SMIM7: variants seen among roughly 807,000 people sequenced by gnomAD.
The protein encoded by SMIM7 is UPF0608 protein C19orf42.
A neutral mutation model predicts 13.3 loss-of-function variants in SMIM7; 12 were observed. That is an observed-to-expected ratio of 0.90 (90% confidence interval 0.58 to 1.46). The LOEUF is 1.46. Ranked by LOEUF, SMIM7 falls within the 40% of genes most tolerant of loss-of-function variation. SMIM7 has a pLI of 0.00. For missense variants in SMIM7, 114 were observed against 94.8 expected, an observed-to-expected ratio of 1.20 and a Z score of -0.84; for synonymous variants, 36 against 35.8, an observed-to-expected ratio of 1.01 and a Z score of -0.02.
At chr19:16,658,356 G>T (rs564750079) in intron 3 of SMIM7, among the ~76,000 whole-genome samples, 2 of 152,342 alleles carry the variant, frequency 1.3e-5, no homozygotes, top group South Asian at 2.1e-4. Context: ...GTGAATGAAA[G>T]AATTAATGAA....
At chr19:16,652,620 C>T (rs2086541929) in intron 4 of SMIM7, 1 of 1,299,464 alleles carries the variant, frequency 7.7e-7, no homozygotes. Flanking sequence ...CAACAGTCTT[C>T]CTGGGAATAC....
chr19:16,644,130 T>TG (rs1249922521), downstream of SMIM7, among the ~76,000 whole-genome samples: 10 of 148,140 alleles, frequency 6.8e-5, no homozygotes, highest in African/African-American at 2.5e-4. Context: ...TTTTTTTTTT[T>TG]TTTTTTTTTT....
At chr19:16,632,757 C>T (rs900749171) in intron 4 of SMIM7, among the ~76,000 whole-genome samples, 2 of 151,994 alleles carry the variant, frequency 1.3e-5, no homozygotes, top group Non-Finnish European at 2.9e-5. Flanking sequence ...CTCTGGAACT[C>T]CTGACTTCAG....
At chr19:16,646,038 T>C (rs2086446141), downstream of SMIM7, 1 of 151,662 alleles carries the variant, frequency 6.6e-6, no homozygotes, top group Non-Finnish European at 1.5e-5. Context: ...CTTTTCTTTC[T>C]CATGGCCTCC....
intron 4 of SMIM7, chr19:16,640,420 T>C (rs952319300): frequency 6.6e-6 from 1 of 152,210 alleles, no homozygotes; most frequent in Non-Finnish European, 1.5e-5. Context: ...TAGGAAAACA[T>C]CAGGAGGCCT....
In SMIM7 at chr19:16,647,222, A is replaced by G; in HGVS notation, c.*24T>C. On this transcript the variant is annotated 3_prime_UTR_variant, in exon 5 of 5. Coordinates refer to ENST00000487416, the MANE Select transcript of SMIM7 (RefSeq NM_024104.4). ...GGAGACTCGGCATCCCGGGAAAGTG[A>G]GTTCCTGGTTTCATCGCTGGGATTC... 1 of 1,614,000 alleles carries G rather than the reference A, an allele frequency of 6.2e-7. No individual in the cohort carries two copies. Among genetic ancestry groups the G allele is most frequent in the Non-Finnish European group, 8.5e-7 (1 of 1,180,006 alleles).
chr19:16,656,943 A>G (rs1040410961), intron 3 of SMIM7, among the ~76,000 whole-genome samples: 4 of 152,058 alleles, frequency 2.6e-5, no homozygotes, highest in African/African-American at 9.7e-5. Context: ...TTTCTGAGGA[A>G]GTGCCAGAGC....
intron 4 of SMIM7, chr19:16,652,632 T>A: frequency 5.2e-6 from 7 of 1,337,054 alleles, no homozygotes; most frequent in East Asian, 3.1e-5. Context: ...TGGGAATACA[T>A]CACGGTCCTT....
downstream of SMIM7, chr19:16,645,373 G>A (rs896422246): frequency 8.5e-5 from 13 of 152,170 alleles, no homozygotes; most frequent in Admixed American, 8.5e-4. Flanking sequence ...CCATTCATCT[G>A]GCCTGTGAGG....
chr19:16,653,178 G>A (rs958270507), intron 4 of SMIM7, among the ~76,000 whole-genome samples: 8 of 152,196 alleles, frequency 5.3e-5, no homozygotes, highest in African/African-American at 1.4e-4. Context: ...GGGCATAGCC[G>A]GGGGCTGGAG....
intron 4 of SMIM7, chr19:16,631,758 T>C (rs1337180085): frequency 1.3e-5 from 2 of 152,098 alleles, no homozygotes; most frequent in African/African-American, 4.8e-5. Flanking sequence ...ACAGGGTTAC[T>C]AAACTTACCC....
At chr19:16,645,679 T>TTGG (rs561138336), downstream of SMIM7, 1 of 137,614 alleles carries the variant, frequency 7.3e-6, no homozygotes. Flanking sequence ...TTTTTTTTTT[T>TTGG]GAGACAGAAT....
downstream of SMIM7, chr19:16,643,786 T>TTA (rs1384522624): frequency 6.6e-6 from 1 of 152,190 alleles, no homozygotes; most frequent in Middle Eastern, 3.2e-3. Context: ...CCCTCCATGG[T>TTA]TATCTGCCCA....
intron 4 of SMIM7, among the ~76,000 whole-genome samples, chr19:16,650,148 C>A (rs1332082793): frequency 6.6e-6 from 1 of 152,082 alleles, no homozygotes; most frequent in Non-Finnish European, 1.5e-5. Context: ...CATTTTCTCC[C>A]TAACTTTTCC....
chr19:16,635,850 A>G (rs1217013783), intron 4 of SMIM7, among the ~76,000 whole-genome samples: 1 of 145,360 alleles, frequency 6.9e-6, no homozygotes, highest in Non-Finnish European at 1.5e-5. Context: ...TACCACTGCA[A>G]TCCAGCCTGG....
At position 16,639,237 on chromosome 19, in the gene SMIM7, C is replaced by T. The variant is rs1017122660; in HGVS notation, c.*138-7513G>A. ...CCCCAGGTTCACGCCATTCTCCTGCCTCAGCCTCCCGAGTAGCTGGGATTA... is the reference window on the plus strand; with the variant it reads ...CCCCAGGTTCACGCCATTCTCCTGCTTCAGCCTCCCGAGTAGCTGGGATTA... On this transcript the variant is annotated intron_variant and NMD_transcript_variant, in intron 4 of 4. Coordinates refer to the SMIM7 transcript ENST00000465250. Among the ~76,000 whole-genome samples the T allele has an allele frequency of 2.6e-5, 4 of 151,810 alleles. No homozygotes were observed. In the East Asian group the frequency reaches 5.8e-4, roughly 22 times the overall value.
intron 3 of SMIM7, among the ~76,000 whole-genome samples, 194 bp from the exon 4 acceptor site, chr19:16,654,319 G>A (rs1191538777): frequency 6.6e-6 from 1 of 152,062 alleles, no homozygotes; most frequent in Non-Finnish European, 1.5e-5. Context: ...CCAATCCCCT[G>A]AAAGCACCAA....
At chr19:16,644,338 T>C (rs2122506811), downstream of SMIM7, among the ~76,000 whole-genome samples, 1 of 151,888 alleles carries the variant, frequency 6.6e-6, no homozygotes, top group Non-Finnish European at 1.5e-5. Flanking sequence ...GCCAGGTTGG[T>C]CTCGAACTCC....
chr19:16,634,023 C>T (rs1487437908), intron 4 of SMIM7: 2 of 152,152 alleles, frequency 1.3e-5, no homozygotes, highest in Non-Finnish European at 2.9e-5. Context: ...TGGGATTGTT[C>T]TGATCTCTGG....
Sources: gnomAD v4.1 joint callset for allele counts (sites outside exome capture counted in the v4.1 genomes callset) on GRCh38, gnomAD v4.1.1 for gene constraint, MANE v1.5 for transcripts, NCBI Gene and HGNC (gene_info 2026-07-23, HGNC 2026-07-21) for gene names.